Variants in EWSR1 observed in about 807,000 individuals in gnomAD.
EWSR1 encodes the protein EWS RNA binding protein 1, also known as RNA-binding protein EWS.
EWSR1 carries 14 observed loss-of-function variants against 92.1 expected under a neutral mutation model. That is an observed-to-expected ratio of 0.15 (90% CI 0.10 to 0.24). The LOEUF (loss-of-function observed/expected upper bound fraction) is 0.24, where lower values mean the gene tolerates loss of function less well. Among genes scored for constraint, EWSR1 ranks in the 10% least tolerant of loss-of-function variants. EWSR1 has a pLI of 1.00. For synonymous variants in EWSR1, 303 were observed against 292.9 expected, an observed-to-expected ratio of 1.03 and a Z score of -0.35; for missense variants, 637 against 870.9, an observed-to-expected ratio of 0.73 and a Z score of 3.38.
chr22:29,295,374 T>A (rs2060774074), intron 11 of EWSR1, among the ~76,000 whole-genome samples: 1 of 152,190 alleles, frequency 6.6e-6, no homozygotes. Context: ...ATCCCAGCAC[T>A]TTGGGAGGCC....
chr22:29,295,257 G>A (rs1468003195), intron 11 of EWSR1, among the ~76,000 whole-genome samples: 1 of 152,084 alleles, frequency 6.6e-6, no homozygotes, highest in Non-Finnish European at 1.5e-5. Context: ...GTTTATTGAG[G>A]AATGTGGAGT....
chr22:29,272,706 T>C (rs1431219288), intron 3 of EWSR1, among the ~76,000 whole-genome samples: 1 of 152,240 alleles, frequency 6.6e-6, no homozygotes, highest in Non-Finnish European at 1.5e-5. Flanking sequence ...TTCATTATGT[T>C]TAAATTTAGT....
intron 6 of EWSR1, 53 bp from the exon 7 acceptor site, chr22:29,286,870 A>T: frequency 7.1e-7 from 1 of 1,415,094 alleles, no homozygotes; most frequent in Non-Finnish European, 9.9e-7. Flanking sequence ...GATTTGAAAT[A>T]ACAAGCCTCT....
At chr22:29,279,938 T>C (rs1425132883) in intron 5 of EWSR1, among the ~76,000 whole-genome samples, 2 of 152,232 alleles carry the variant, frequency 1.3e-5, no homozygotes, top group East Asian at 3.8e-4. Context: ...CCTTTTTTTT[T>C]CTTTTCACTT....
At chr22:29,290,309 T>C in intron 8 of EWSR1, 1 of 1,144,766 alleles carries the variant, frequency 8.7e-7, no homozygotes, top group Admixed American at 2.3e-5. Context: ...AGGCACTCAA[T>C]GTTGTTAACA....
chr22:29,292,236 T>C, intron 10 of EWSR1, 67 bp downstream of exon 10: 1 of 1,459,150 alleles, frequency 6.9e-7, no homozygotes, highest in Non-Finnish European at 9.6e-7. Context: ...GGTAAATGCA[T>C]GCGTAGAGTT....
At chr22:29,268,480 C>T (rs2058315314) in intron 1 of EWSR1, 131 bp downstream of exon 1, 4 of 1,529,694 alleles carry the variant, frequency 2.6e-6, no homozygotes, top group Non-Finnish European at 2.7e-6. Flanking sequence ...CGCCGCGGCC[C>T]GACGAGCTCG....
chr22:29,278,545 G>C (rs5763124), intron 5 of EWSR1, among the ~76,000 whole-genome samples: 151,727 of 151,782 alleles, frequency 1, 75,836 homozygotes, highest in Middle Eastern at 1. Context: ...AAAATACCGG[G>C]GGGGCGCAGT....
At chr22:29,287,198 ATTTT>A in intron 7 of EWSR1, 64 bp downstream of exon 7, 1 of 1,494,048 alleles carries the variant, frequency 6.7e-7, no homozygotes, top group Non-Finnish European at 9.2e-7. Flanking sequence ...TGTGGGGTTG[ATTTT>A]TTTTGTTGGT....
chr22:29,274,210 A>G (rs1243225574), intron 4 of EWSR1: 1 of 1,588,736 alleles, frequency 6.3e-7, no homozygotes, highest in African/African-American at 1.3e-5. Context: ...TGGTTTTCAC[A>G]TGTTTGCTTC....
chr22:29,279,241 A>C (rs2059374162), intron 5 of EWSR1, among the ~76,000 whole-genome samples: 1 of 152,220 alleles, frequency 6.6e-6, no homozygotes. Context: ...GTAAATGGGT[A>C]ACCGCTTTCT....
At chr22:29,280,946 C>T (rs28668970) in intron 5 of EWSR1, among the ~76,000 whole-genome samples, 2,921 of 139,928 alleles carry the variant, frequency 0.021, 54 homozygotes, top group Middle Eastern at 0.058. Flanking sequence ...GTGGCGCCAT[C>T]TCAGCTCACT....
chr22:29,276,102 A>T lies in EWSR1; in HGVS notation c.227-1928A>T, dbSNP rs1398123367. On this transcript the variant is annotated intron_variant, in intron 4 of 16. Coordinates refer to ENST00000397938, the MANE Select transcript of EWSR1 (RefSeq NM_005243.4). ...CTAACTGTTGCTGCATAGTTTTATGACATGAGTTATTGCCCTGATCACTTT... is the reference window on the plus strand; with the variant it reads ...CTAACTGTTGCTGCATAGTTTTATGTCATGAGTTATTGCCCTGATCACTTT... The T allele has an allele frequency of 1.1e-4, 26 of 231,934 alleles. No homozygotes were observed. The East Asian group carries it at 1.6e-3, about 14-fold the overall frequency. The allele number at this position is 231,934 out of a possible 1,614,324, so 14.4% of individuals were successfully genotyped here.
intron 7 of EWSR1, among the ~76,000 whole-genome samples, chr22:29,287,822 A>ATATAG (rs2060162361): frequency 6.6e-6 from 1 of 152,310 alleles, no homozygotes; most frequent in East Asian, 1.9e-4. Context: ...GCAGGCCACT[A>ATATAG]TGATTTTGAT....
intron 6 of EWSR1, 49 bp downstream of exon 6, chr22:29,282,606 T>C (rs1239628615): frequency 1.4e-6 from 2 of 1,463,380 alleles, no homozygotes; most frequent in African/African-American, 1.5e-5. Flanking sequence ...AAACAGTTTT[T>C]TTCAGGTTGT....
chr22:29,291,904 G>A (rs1569103797), intron 9 of EWSR1: 4 of 579,538 alleles, frequency 6.9e-6, no homozygotes, highest in Non-Finnish European at 1.2e-5. Flanking sequence ...TAAGCATTGA[G>A]AGTGTATTTG....
chr22:29,287,433 C>G (rs1015017004), intron 7 of EWSR1, among the ~76,000 whole-genome samples: 3 of 152,196 alleles, frequency 2.0e-5, no homozygotes, highest in Non-Finnish European at 4.4e-5. Flanking sequence ...GTCTCGAACT[C>G]CTGACCTCAG....
At chr22:29,273,152 A>T (rs1164011946) in intron 3 of EWSR1, among the ~76,000 whole-genome samples, 1 of 152,230 alleles carries the variant, frequency 6.6e-6, no homozygotes. Flanking sequence ...ATGGATGTCT[A>T]AGTTCAAAAG....
chr22:29,280,862 GTTTTTTTTTTTTTTTTT>G (rs71196650), intron 5 of EWSR1, among the ~76,000 whole-genome samples: 125 of 62,892 alleles, frequency 2.0e-3, no homozygotes, highest in African/African-American at 3.6e-3. Flanking sequence ...TGTGTGTGTT[GTTTTTTTTTTTTTTTTT>G]TTTTTTTTTT....
Sources: gnomAD v4.1 joint callset for allele counts (sites outside exome capture counted in the v4.1 genomes callset) on GRCh38, gnomAD v4.1.1 for gene constraint, MANE v1.5 for transcripts, NCBI Gene and HGNC (gene_info 2026-07-23, HGNC 2026-07-21) for gene names.